BRDT: variants seen among roughly 807,000 people sequenced by gnomAD.
BRDT encodes bromodomain testis associated.
A neutral mutation model predicts 113.9 loss-of-function variants in BRDT; 77 were observed. The ratio of observed to expected loss-of-function variants is 0.68; its 90% CI spans 0.56 to 0.82. The LOEUF (loss-of-function observed/expected upper bound fraction) is 0.82. BRDT is among the 40% of genes least tolerant of loss of function. BRDT has a pLI of 0.00. For synonymous variants in BRDT, 358 were observed against 366.5 expected (o/e 0.98, Z 0.26); for missense variants, 1,027 against 1,105.4 (o/e 0.93, Z 1.01).
At chr1:91,958,947 G>A (rs926742823) in intron 1 of BRDT, among the ~76,000 whole-genome samples, 3 of 152,054 alleles carry the variant, frequency 2.0e-5, no homozygotes, top group African/African-American at 7.2e-5. Flanking sequence ...TAATCAGGAG[G>A]CTGAGGTGGG....
chr1:91,986,076 T>G (rs573631178), intron 12 of BRDT, among the ~76,000 whole-genome samples: 53 of 152,372 alleles, frequency 3.5e-4, no homozygotes, highest in African/African-American at 1.2e-3. Context: ...AACTTCGGTA[T>G]AAATATAAAA....
intron 12 of BRDT, among the ~76,000 whole-genome samples, chr1:91,983,326 G>A (rs1224241009): frequency 2.8e-5 from 4 of 144,474 alleles, no homozygotes; most frequent in African/African-American, 7.7e-5. Context: ...GTGCAGTGGC[G>A]CTATCTTAGC....
intron 7 of BRDT, 134 bp downstream of exon 7, chr1:91,978,430 C>T (rs966222912): frequency 2.0e-6 from 2 of 976,492 alleles, no homozygotes; most frequent in East Asian, 5.2e-5. Flanking sequence ...ACCACAATTA[C>T]TTTTGCACCA....
chr1:91,979,006 AAAAAAAACAACAACAACAAC>A (rs1425225992), intron 7 of BRDT, among the ~76,000 whole-genome samples: 3 of 135,206 alleles, frequency 2.2e-5, no homozygotes, highest in African/African-American at 8.3e-5. Flanking sequence ...TCAAAAAAAA[AAAAAAAACAACAACAACAAC>A]AAAAAAAACC....
Position 91,978,207 on chromosome 1 carries a change from T to G in BRDT, c.1009T>G (p.Phe337Val). Residue 337 changes from phenylalanine (F) to valine (V), a missense_variant, in exon 7 of 19, where the codon TTT (phenylalanine) becomes GTT (valine). By Grantham distance (50) the Phe-to-Val change is conservative (BLOSUM62 -1). Transcript: ENST00000399546. ...DNQEYKDAYK[F>V]AADVRLMFMN... ...CCAAGAATATAAGGATGCATACAAA[T>G]TTGCGGCAGATGTTAGATTAATGTT... is the stretch of plus-strand genomic sequence containing the variant. The G allele has an allele frequency of 6.2e-7, 1 of 1,613,922 alleles. No homozygotes were observed. The highest frequency in any genetic ancestry group is 8.5e-7 in the Non-Finnish European group (1 of 1,179,844).
intron 4 of BRDT, among the ~76,000 whole-genome samples, chr1:91,971,571 T>C (rs2101624305): frequency 6.6e-6 from 1 of 152,354 alleles, no homozygotes; most frequent in Admixed American, 6.5e-5. Flanking sequence ...AAACTGATAA[T>C]GTTGATTGAG....
At chr1:91,984,103 T>G (rs1364503430) in intron 12 of BRDT, among the ~76,000 whole-genome samples, 1 of 152,222 alleles carries the variant, frequency 6.6e-6, no homozygotes, top group Non-Finnish European at 1.5e-5. Context: ...AAACTGTGCT[T>G]TACTGGAAAA....
intron 15 of BRDT, among the ~76,000 whole-genome samples, chr1:92,001,163 G>A (rs926388704): frequency 1.3e-5 from 2 of 152,128 alleles, no homozygotes; most frequent in African/African-American, 4.8e-5. Flanking sequence ...ATGAGTTACT[G>A]ATGGTGAGAT....
chr1:91,952,663 C>T (rs1255783271), intron 1 of BRDT, among the ~76,000 whole-genome samples: 2 of 151,012 alleles, frequency 1.3e-5, no homozygotes, highest in Non-Finnish European at 2.9e-5. Context: ...AAAGATAAAC[C>T]AGCACAACGG....
At chr1:91,976,985 A>G in intron 5 of BRDT, 58 bp from the exon 6 acceptor site, 1 of 1,341,806 alleles carries the variant, frequency 7.5e-7, no homozygotes, top group Non-Finnish European at 1.0e-6. Context: ...ACTGATAAGG[A>G]ACTATGCTCT....
rs894575685 is a variant in BRDT, at chr1:91,949,451, C to A, written c.-269C>A. The A allele has an allele frequency of 6.6e-6, 1 of 152,274 alleles. No homozygotes were observed. Among genetic ancestry groups the A allele is most frequent in the Non-Finnish European group, 1.5e-5 (1 of 68,078 alleles). 9.4% of individuals were successfully genotyped at this position (152,274 alleles called of 1,614,324 possible). A position where few individuals can be genotyped will look rare whatever the true frequency, so the allele number is the denominator to read the frequency against. On this transcript the variant is annotated 5_prime_UTR_variant, in exon 1 of 19. Coordinates refer to ENST00000399546, the MANE Select transcript of BRDT (RefSeq NM_207189.4). ...TGCGGAGAACTGTTGCCCTGCACCG[C>A]TTCATTTTGTGCAGCCTGAAAGGGG...
In BRDT at chr1:91,981,694, A is replaced by G. The variant is rs1253672429; in HGVS notation, c.1941A>G (p.Ser647=). ...LSESSSSSSS[S]SESESSSSDL... is the part of the protein sequence containing the mutation. ...AGAGCAGCAGCAGCAGCAGCAGCTC[A>G]TCAGAGTCTGAAAGTAGCAGCAGTG... The change falls in exon 12 of 19, where the codon TCA becomes TCG. Residue 647 remains serine (S), a synonymous_variant. Coordinates refer to ENST00000399546, the MANE Select transcript of BRDT (RefSeq NM_207189.4). The G allele has an allele frequency of 1.9e-6, 3 of 1,614,160 alleles. No homozygotes were observed. The highest frequency in any genetic ancestry group is 2.5e-6 in the Non-Finnish European group (3 of 1,180,018).
At chr1:91,988,391 TTTTA>T (rs1281960585) in intron 12 of BRDT, among the ~76,000 whole-genome samples, 6 of 151,934 alleles carry the variant, frequency 3.9e-5, no homozygotes, top group Non-Finnish European at 7.4e-5. Context: ...TCGATTTTAT[TTTTA>T]TTTATTTATT....
intron 15 of BRDT, among the ~76,000 whole-genome samples, chr1:91,997,248 T>G (rs951673111): frequency 2.6e-5 from 4 of 152,108 alleles, no homozygotes; most frequent in African/African-American, 9.7e-5. Flanking sequence ...TTAGTACCTG[T>G]TGTGATGGGG....
chr1:91,975,884 A>G (rs930894498), intron 4 of BRDT, among the ~76,000 whole-genome samples: 5 of 152,186 alleles, frequency 3.3e-5, no homozygotes, highest in Non-Finnish European at 5.9e-5. Context: ...ACAATTATGA[A>G]GTCCTTGGAT....
chr1:92,011,330 C>T (rs187283278), intron 18 of BRDT, among the ~76,000 whole-genome samples: 4 of 152,180 alleles, frequency 2.6e-5, no homozygotes, highest in Non-Finnish European at 5.9e-5. Flanking sequence ...CTGTTGAGCA[C>T]GGGAAATGTA....
intron 18 of BRDT, among the ~76,000 whole-genome samples, chr1:92,012,296 T>TGG (rs1356019173): frequency 1.3e-4 from 17 of 129,504 alleles, no homozygotes; most frequent in South Asian, 1.2e-3. Context: ...AAACTCCATC[T>TGG]AGAAAAAAAA....
At chr1:92,012,573 A>C (rs7529210) in intron 18 of BRDT, among the ~76,000 whole-genome samples, 10,173 of 152,286 alleles carry the variant, frequency 0.067, 398 homozygotes, top group African/African-American at 0.097. Flanking sequence ...CTTAAAGGAA[A>C]AATCTGTGCT....
chr1:91,987,648 GTTTTTGT>G lies in BRDT; in HGVS notation c.2003-3516_2003-3510del, dbSNP rs71586729. On this transcript the variant is annotated intron_variant, in intron 12 of 18. Coordinates refer to ENST00000399546, the MANE Select transcript of BRDT (RefSeq NM_207189.4). ...GGCGTGAGCCACTGCGCCCGGCCTT[GTTTTTGT>G]TTTTTGTTTTTTGTTTTTTTAAATC... is the stretch of plus-strand genomic sequence containing the variant. 7.2e-3 allele frequency among the ~76,000 whole-genome samples: 1,093 copies of G among 150,840 alleles called. 9 individuals are homozygous for G. The highest frequency in any genetic ancestry group is 0.025 in the African/African-American group (1,017 of 41,270).
Sources: allele counts gnomAD v4.1 joint callset (sites outside exome capture counted in the v4.1 genomes callset), GRCh38; gene constraint gnomAD v4.1.1; transcripts MANE v1.5; gene names NCBI Gene and HGNC (gene_info 2026-07-23, HGNC 2026-07-21).